CLIC5: variants seen among roughly 807,000 people sequenced by gnomAD.
CLIC5 encodes the protein chloride intracellular channel protein 5.
CLIC5 carries 20 observed loss-of-function variants against 24.7 expected under a neutral mutation model. The observed-to-expected ratio is 0.81, with a 90% CI of 0.57 to 1.18. The LOEUF (loss-of-function observed/expected upper bound fraction) is 1.18, where lower values mean the gene tolerates loss of function less well. Among genes scored for constraint, CLIC5 ranks in the 50% most tolerant of loss-of-function variants. The pLI, the probability that CLIC5 is intolerant of heterozygous loss-of-function variation, is 0.00. For synonymous variants in CLIC5, 159 were observed against 135.6 expected, an observed-to-expected ratio of 1.17 and a Z score of -1.20; for missense variants, 341 against 326.1, an observed-to-expected ratio of 1.05 and a Z score of -0.35.
At chr6:45,933,229 AT>A (rs1350597952) in intron 4 of CLIC5, among the ~76,000 whole-genome samples, 2 of 152,146 alleles carry the variant, frequency 1.3e-5, no homozygotes, top group Non-Finnish European at 2.9e-5. Flanking sequence ...CCAGCAACAA[AT>A]TGGGAACCAG....
At chr6:46,021,088 C>CAAAAAAAAAAAAAAAA (rs61574485) in intron 1 of CLIC5, among the ~76,000 whole-genome samples, 1 of 71,888 alleles carries the variant, frequency 1.4e-5, no homozygotes, top group African/African-American at 4.7e-5. Flanking sequence ...TTTTACAACT[C>CAAAAAAAAAAAAAAAA]AAAAAAAAAA....
intron 1 of CLIC5, among the ~76,000 whole-genome samples, chr6:45,998,036 A>G (rs1015060770): frequency 6.6e-6 from 1 of 152,208 alleles, no homozygotes; most frequent in Non-Finnish European, 1.5e-5. Context: ...ACCATTAGGA[A>G]TGTGTGACCT....
rs1394460265 is a variant in CLIC5, at chr6:45,900,043, A to G, written c.*3045T>C. On this transcript the variant is annotated 3_prime_UTR_variant, in exon 6 of 6. Coordinates refer to ENST00000339561, the MANE Select transcript of CLIC5 (RefSeq NM_016929.5). ...GAAGAAACTGTGCTTTGGATCCATC[A>G]TGATTTTACTTATCCAGCTTACTTT... 6.6e-6 allele frequency: 1 copy of G among 152,126 alleles called. No individual in the cohort carries two copies. Among genetic ancestry groups the G allele is most frequent in the Non-Finnish European group, 1.5e-5 (1 of 68,014 alleles). 9.4% of individuals were successfully genotyped at this position (152,126 alleles called of 1,614,324 possible). A position where few individuals can be genotyped will look rare whatever the true frequency, so the allele number is the denominator to read the frequency against.
chr6:46,076,701 C>T (rs957425131), intron 1 of CLIC5, among the ~76,000 whole-genome samples: 3 of 152,186 alleles, frequency 2.0e-5, no homozygotes, highest in African/African-American at 7.2e-5. Flanking sequence ...TTTTAATCCA[C>T]TAAGTTTTAG....
At chr6:46,005,980 G>GTATATATATATATATATATATATA (rs35395134) in intron 1 of CLIC5, among the ~76,000 whole-genome samples, 17 of 117,686 alleles carry the variant, frequency 1.4e-4, no homozygotes, top group Non-Finnish European at 2.2e-4. Flanking sequence ...GCCTATGTGT[G>GTATATATATATATATATATATATA]TATATATATA....
chr6:45,965,850 G>C (rs1452317829), intron 1 of CLIC5, among the ~76,000 whole-genome samples: 1 of 152,160 alleles, frequency 6.6e-6, no homozygotes, highest in African/African-American at 2.4e-5. Flanking sequence ...TCTTGATCGT[G>C]AATCCATTCC....
intron 1 of CLIC5, among the ~76,000 whole-genome samples, chr6:46,002,113 GA>G (rs1766385027): frequency 1.3e-5 from 2 of 152,206 alleles, no homozygotes; most frequent in South Asian, 4.1e-4. Flanking sequence ...GGGCCTCAAG[GA>G]GGAATGAAGC....
intron 1 of CLIC5, among the ~76,000 whole-genome samples, chr6:46,060,716 G>T (rs888708253): frequency 1.3e-5 from 2 of 150,932 alleles, no homozygotes; most frequent in African/African-American, 4.9e-5. Context: ...CTGCCACCCT[G>T]GTGCCTGCAT....
chr6:46,051,443 T>C (rs1562025281), intron 1 of CLIC5, among the ~76,000 whole-genome samples: 2 of 152,248 alleles, frequency 1.3e-5, no homozygotes, highest in East Asian at 1.9e-4. Context: ...CTTGTTTCTC[T>C]AGCTCAAGTC....
chr6:46,052,050 A>G (rs932278280), intron 1 of CLIC5, among the ~76,000 whole-genome samples: 19 of 152,154 alleles, frequency 1.2e-4, no homozygotes, highest in African/African-American at 4.3e-4. Flanking sequence ...TCCCAGGGCT[A>G]GCATGACACT....
intron 2 of CLIC5, among the ~76,000 whole-genome samples, chr6:45,952,477 G>T (rs907523948): frequency 6.6e-6 from 1 of 152,118 alleles, no homozygotes; most frequent in African/African-American, 2.4e-5. Flanking sequence ...GGCCTGCCTC[G>T]ATAAATTCTC....
the CLIC5 span, among the ~76,000 whole-genome samples, chr6:46,094,282 G>A: frequency 2.6e-5 from 4 of 152,212 alleles, no homozygotes; most frequent in East Asian, 1.9e-4. Flanking sequence ...CTCATATCCT[G>A]GTAATATTTC....
chr6:45,976,555 C>T (rs1189854715), intron 1 of CLIC5, among the ~76,000 whole-genome samples: 5 of 152,200 alleles, frequency 3.3e-5, no homozygotes, highest in South Asian at 4.1e-4. Context: ...TTGGTGCAAA[C>T]GTAATTGCTG....
the CLIC5 span, among the ~76,000 whole-genome samples, chr6:46,115,307 G>A: frequency 1.3e-5 from 2 of 152,170 alleles, no homozygotes; most frequent in African/African-American, 4.8e-5. Context: ...GCCACACCTT[G>A]TGGCTGAGCA....
chr6:46,056,712 T>A (rs945652007), intron 1 of CLIC5, among the ~76,000 whole-genome samples: 1 of 152,180 alleles, frequency 6.6e-6, no homozygotes, highest in Non-Finnish European at 1.5e-5. Context: ...ACAATGTACA[T>A]GAAAGCCTTA....
At chr6:46,091,609 A>G in the CLIC5 span, among the ~76,000 whole-genome samples, 4 of 152,180 alleles carry the variant, frequency 2.6e-5, no homozygotes, top group African/African-American at 9.7e-5. Context: ...ATGGCAGTGC[A>G]TGCCTGTGGT....
chr6:46,113,441 G>A, the CLIC5 span, among the ~76,000 whole-genome samples: 8 of 152,124 alleles, frequency 5.3e-5, no homozygotes, highest in Non-Finnish European at 8.8e-5. Context: ...GCAAACAGGT[G>A]ATGTCAGGAA....
chr6:46,092,648 TG>T, the CLIC5 span, among the ~76,000 whole-genome samples: 1 of 151,514 alleles, frequency 6.6e-6, no homozygotes, highest in East Asian at 1.9e-4. Flanking sequence ...TGTGTGTGTG[TG>T]TGTATACATA....
chr6:45,881,477 G>A (rs1171968314), intron 6 of CLIC5, among the ~76,000 whole-genome samples: 1 of 152,178 alleles, frequency 6.6e-6, no homozygotes, highest in Non-Finnish European at 1.5e-5. Flanking sequence ...GTTAGGTGAT[G>A]AGTGGGGAGG....
Sources: gnomAD v4.1 joint callset for allele counts (sites outside exome capture counted in the v4.1 genomes callset) on GRCh38, gnomAD v4.1.1 for gene constraint, MANE v1.5 for transcripts, NCBI Gene and HGNC (gene_info 2026-07-23, HGNC 2026-07-21) for gene names.